ARHGEF3: variants seen among roughly 807,000 people sequenced by gnomAD.
ARHGEF3 encodes 59.8 kDA protein.
ARHGEF3 carries 28 observed loss-of-function variants against 63.2 expected under a neutral mutation model. The observed-to-expected ratio is 0.44, with a 90% confidence interval of 0.33 to 0.61. The LOEUF (loss-of-function observed/expected upper bound fraction) is 0.61, where lower values mean the gene tolerates loss of function less well. Among genes scored for constraint, ARHGEF3 ranks in the 20% least tolerant of loss-of-function variants. ARHGEF3 has a pLI of 0.03. For missense variants in ARHGEF3, 533 were observed against 659.3 expected (o/e 0.81, Z 2.10); for synonymous variants, 266 against 254.2 (o/e 1.05, Z -0.44).
intron 4 of ARHGEF3, among the ~76,000 whole-genome samples, chr3:56,838,749 G>A (rs945121907): frequency 2.0e-5 from 3 of 151,856 alleles, no homozygotes; most frequent in African/African-American, 7.3e-5. Context: ...GGACCAAACA[G>A]CCCTAAAATA....
chr3:56,935,052 T>C (rs2042521798), intron 3 of ARHGEF3, among the ~76,000 whole-genome samples: 1 of 152,164 alleles, frequency 6.6e-6, no homozygotes, highest in Admixed American at 6.5e-5. Context: ...ATCTAGCTGC[T>C]CTGGTGGAGC....
intron 4 of ARHGEF3, among the ~76,000 whole-genome samples, chr3:56,826,576 G>A (rs2038720152): frequency 6.6e-6 from 1 of 152,164 alleles, no homozygotes; most frequent in African/African-American, 2.4e-5. Flanking sequence ...GAAGAAAGTA[G>A]GAAAATGTCA....
intron 2 of ARHGEF3, among the ~76,000 whole-genome samples, chr3:57,015,221 TG>T (rs1702941075): frequency 6.6e-6 from 1 of 152,164 alleles, no homozygotes; most frequent in Non-Finnish European, 1.5e-5. Context: ...TGCAGACACA[TG>T]GTAACACTAT....
chr3:57,006,583 G>C (rs1174453473), intron 2 of ARHGEF3, among the ~76,000 whole-genome samples: 3 of 152,132 alleles, frequency 2.0e-5, no homozygotes, highest in African/African-American at 7.2e-5. Context: ...ATTTCTCTCT[G>C]GCTCCAGTTC....
intron 1 of ARHGEF3, among the ~76,000 whole-genome samples, chr3:57,071,675 A>AT (rs1377425946): frequency 6.6e-6 from 1 of 151,960 alleles, no homozygotes; most frequent in Non-Finnish European, 1.5e-5. Context: ...AAAAAAAAAA[A>AT]ATATGCCTTA....
intron 1 of ARHGEF3, among the ~76,000 whole-genome samples, chr3:57,047,342 C>G (rs951675837): frequency 5.3e-5 from 8 of 152,040 alleles, no homozygotes; most frequent in Non-Finnish European, 1.2e-4. Flanking sequence ...ATAAGTAAGA[C>G]TCCGTCTCAA....
At chr3:56,916,501 A>C in intron 3 of ARHGEF3, 1 of 1,379,294 alleles carries the variant, frequency 7.3e-7, no homozygotes, top group Non-Finnish European at 9.4e-7. Flanking sequence ...CATCAGTTAC[A>C]AGTGTCAGAG....
intron 4 of ARHGEF3, among the ~76,000 whole-genome samples, chr3:56,830,567 A>T (rs1253527600): frequency 6.6e-6 from 1 of 152,130 alleles, no homozygotes; most frequent in Admixed American, 6.5e-5. Flanking sequence ...GTTAACCTAG[A>T]TCTTAGCACT....
intron 2 of ARHGEF3, among the ~76,000 whole-genome samples, chr3:56,986,819 A>G (rs1301194749): frequency 6.6e-6 from 1 of 151,914 alleles, no homozygotes; most frequent in Non-Finnish European, 1.5e-5. Flanking sequence ...GAAAAAAAAA[A>G]AGATAAAAAT....
chr3:56,951,669 C>A (rs6790228), intron 3 of ARHGEF3, among the ~76,000 whole-genome samples: 79,694 of 151,634 alleles, frequency 0.53, 22,310 homozygotes, highest in East Asian at 0.64. Context: ...ATTACTGGTC[C>A]TATGTATTTT....
At chr3:56,983,191 T>G (rs948016152) in intron 2 of ARHGEF3, among the ~76,000 whole-genome samples, 3 of 152,104 alleles carry the variant, frequency 2.0e-5, no homozygotes, top group African/African-American at 7.2e-5. Context: ...CATCCAACAT[T>G]TAAAAATCTA....
At chr3:56,889,401 A>G (rs1176197072) in intron 3 of ARHGEF3, among the ~76,000 whole-genome samples, 6 of 152,138 alleles carry the variant, frequency 3.9e-5, no homozygotes, top group African/African-American at 1.4e-4. Flanking sequence ...TTTTGAGAAA[A>G]TCACCAGGTG....
At chr3:56,977,427 CCA>C in intron 2 of ARHGEF3, 1 of 419,752 alleles carries the variant, frequency 2.4e-6, no homozygotes, top group Admixed American at 2.7e-5. Flanking sequence ...GCCATGGCAA[CCA>C]CACTTTATGA....
At chr3:56,868,231 C>T (rs1438899025) in intron 4 of ARHGEF3, among the ~76,000 whole-genome samples, 1 of 152,112 alleles carries the variant, frequency 6.6e-6, no homozygotes, top group East Asian at 1.9e-4. Context: ...AGATGCAAAG[C>T]CCACCACAAA....
intron 2 of ARHGEF3, among the ~76,000 whole-genome samples, chr3:57,014,026 G>T (rs775885968): frequency 2.6e-5 from 4 of 152,142 alleles, no homozygotes; most frequent in Non-Finnish European, 5.9e-5. Flanking sequence ...GCCTTTATGA[G>T]CTGTAACACT....
intron 2 of ARHGEF3, among the ~76,000 whole-genome samples, chr3:57,009,987 C>T (rs1461602355): frequency 2.0e-5 from 3 of 152,078 alleles, no homozygotes; most frequent in Non-Finnish European, 2.9e-5. Flanking sequence ...AAAGTCACAC[C>T]GCAGCAAGTG....
chr3:57,019,426 G>C (rs1703154392), intron 2 of ARHGEF3, among the ~76,000 whole-genome samples: 1 of 152,104 alleles, frequency 6.6e-6, no homozygotes, highest in South Asian at 2.1e-4. Flanking sequence ...TGTTCCTAGG[G>C]AGGAGATGAG....
intron 4 of ARHGEF3, among the ~76,000 whole-genome samples, chr3:56,857,074 A>AT (rs752364169): frequency 9.9e-5 from 15 of 151,656 alleles, no homozygotes; most frequent in Non-Finnish European, 1.9e-4. Flanking sequence ...ATTTTTTAAA[A>AT]TTTTTTTCTA....
intron 3 of ARHGEF3, among the ~76,000 whole-genome samples, chr3:56,944,373 C>G (rs1699355330): frequency 6.6e-6 from 1 of 151,948 alleles, no homozygotes; most frequent in Non-Finnish European, 1.5e-5. Context: ...TTGGAAGAAG[C>G]TGATTCCAAC....
Sources: gnomAD v4.1 joint callset for allele counts (sites outside exome capture counted in the v4.1 genomes callset) on GRCh38, gnomAD v4.1.1 for gene constraint, MANE v1.5 for transcripts, NCBI Gene and HGNC (gene_info 2026-07-23, HGNC 2026-07-21) for gene names.